Variants in NOX3 observed in about 807,000 individuals in gnomAD.
The protein encoded by NOX3 is NADPH oxidase 3.
NOX3 carries 74 observed loss-of-function variants against 76.7 expected under a neutral mutation model. The observed-to-expected ratio is 0.96, with a 90% confidence interval of 0.80 to 1.17. NOX3 has a LOEUF of 1.17. Among genes scored for constraint, NOX3 ranks in the 50% most tolerant of loss-of-function variants. The pLI is 0.00. For missense variants in NOX3, 695 were observed against 703.3 expected, an observed-to-expected ratio of 0.99 and a Z score of 0.13; for synonymous variants, 263 against 261.1, an observed-to-expected ratio of 1.01 and a Z score of -0.07.
chr6:155,429,088 A>G, intron 8 of NOX3, 41 bp from the exon 9 acceptor site: 5 of 1,458,040 alleles, frequency 3.4e-6, no homozygotes, highest in Non-Finnish European at 4.6e-6. Context: ...TGTCCTCGAA[A>G]TAATAAAGAA....
intron 12 of NOX3, among the ~76,000 whole-genome samples, chr6:155,401,818 T>C (rs1354488502): frequency 4.6e-5 from 7 of 151,254 alleles, no homozygotes; most frequent in Admixed American, 1.3e-4. Flanking sequence ...TGACCAAACT[T>C]TAAAGTTTTT....
chr6:155,415,097 T>G (rs1223602814), intron 10 of NOX3, among the ~76,000 whole-genome samples: 1 of 152,164 alleles, frequency 6.6e-6, no homozygotes, highest in African/African-American at 2.4e-5. Flanking sequence ...GCAAGGGGCT[T>G]GGGTCTGAGC....
At chr6:155,403,726 A>G (rs965131792) in intron 12 of NOX3, among the ~76,000 whole-genome samples, 1 of 152,206 alleles carries the variant, frequency 6.6e-6, no homozygotes, top group Non-Finnish European at 1.5e-5. Context: ...CTCCCTGCGA[A>G]AAAATTGGAC....
intron 12 of NOX3, 50 bp from the exon 13 acceptor site, chr6:155,397,012 C>G: frequency 6.5e-7 from 1 of 1,536,144 alleles, no homozygotes. Context: ...GAGGCAAGGC[C>G]AGCCAGAAGC....
intron 12 of NOX3, among the ~76,000 whole-genome samples, chr6:155,402,762 C>T (rs1489984731): frequency 1.3e-5 from 2 of 152,172 alleles, no homozygotes; most frequent in Non-Finnish European, 2.9e-5. Context: ...TTTGAGTGAA[C>T]AGGTAAATAT....
intron 10 of NOX3, among the ~76,000 whole-genome samples, chr6:155,412,874 A>T (rs778520818): frequency 1.3e-5 from 2 of 152,226 alleles, no homozygotes; most frequent in Admixed American, 6.5e-5. Context: ...TGTCCTCTTA[A>T]AATTTGCATC....
chr6:155,411,136 A>C, intron 11 of NOX3, 78 bp downstream of exon 11: 1 of 1,250,760 alleles, frequency 8.0e-7, no homozygotes, highest in African/African-American at 1.5e-5. Context: ...AGTGCTACAT[A>C]GCTCATTATT....
At chr6:155,420,778 T>C (rs1386637691) in intron 10 of NOX3, among the ~76,000 whole-genome samples, 3 of 152,216 alleles carry the variant, frequency 2.0e-5, no homozygotes, top group East Asian at 3.8e-4. Context: ...CCAGTTTCCT[T>C]CCTGTTAGGT....
intron 12 of NOX3, among the ~76,000 whole-genome samples, chr6:155,402,934 C>T (rs557431723): frequency 8.5e-5 from 13 of 152,264 alleles, no homozygotes; most frequent in South Asian, 6.2e-4. Context: ...TATGAGCTAA[C>T]GACAGGACAG....
chr6:155,398,165 G>A (rs1779164396), intron 12 of NOX3, among the ~76,000 whole-genome samples: 1 of 151,944 alleles, frequency 6.6e-6, no homozygotes, highest in African/African-American at 2.4e-5. Context: ...TGGATCAAAA[G>A]TTCTCAAGCT....
intron 7 of NOX3, among the ~76,000 whole-genome samples, chr6:155,434,502 T>A (rs887166355): frequency 1.3e-5 from 2 of 152,034 alleles, no homozygotes; most frequent in Non-Finnish European, 2.9e-5. Flanking sequence ...AAGGATGGGG[T>A]TGGACCGAGC....
intron 12 of NOX3, among the ~76,000 whole-genome samples, chr6:155,400,391 G>T (rs9480132): frequency 0.08 from 12,217 of 152,194 alleles, 1,261 homozygotes; most frequent in African/African-American, 0.23. Context: ...TTAAAAAAAA[G>T]CAAATTACTT....
intron 6 of NOX3, among the ~76,000 whole-genome samples, chr6:155,437,106 T>C (rs1390234737): frequency 6.6e-6 from 1 of 152,200 alleles, no homozygotes; most frequent in East Asian, 1.9e-4. Context: ...CAAGACGGTA[T>C]TGATACATTT....
intron 4 of NOX3, among the ~76,000 whole-genome samples, chr6:155,450,939 A>G (rs993376234): frequency 1.3e-5 from 2 of 152,152 alleles, no homozygotes; most frequent in Non-Finnish European, 2.9e-5. Flanking sequence ...CAAACTTCCA[A>G]CTAACTCTGA....
rs764029957 is a variant in NOX3 at position 155,426,984 on chromosome 6, C to CGTGTGTGTGTGTGTGTGTGTGTGT, written c.1145+1786_1145+1809dup. Among the ~76,000 whole-genome samples, 6 of 41,920 alleles carry CGTGTGTGTGTGTGTGTGTGTGTGT rather than the reference C, an allele frequency of 1.4e-4. 2 individuals are homozygous for CGTGTGTGTGTGTGTGTGTGTGTGT. In the East Asian group the frequency reaches 6.4e-3, roughly 45 times the overall value. The allele number at this position is 41,920 out of a possible 152,430, so 27.5% of individuals were successfully genotyped here. The stretch of plus-strand genomic sequence containing the variant: ...CCGAGAAAGCAGTTAGACACTGTGG[C>CGTGTGTGTGTGTGTGTGTGTGTGT]GTGTGTGTGTGTGTGTGTGTGTGTG... On this transcript the variant is annotated intron_variant, in intron 9 of 13. Coordinates refer to ENST00000159060, the MANE Select transcript of NOX3 (RefSeq NM_015718.3).
chr6:155,453,047 C>T (rs1381346682), intron 4 of NOX3, among the ~76,000 whole-genome samples: 1 of 152,052 alleles, frequency 6.6e-6, no homozygotes, highest in Non-Finnish European at 1.5e-5. Context: ...TTTCCTACGA[C>T]TGTGAATGAG....
intron 10 of NOX3, among the ~76,000 whole-genome samples, chr6:155,413,591 T>C (rs552103407): frequency 2.9e-4 from 44 of 152,252 alleles, no homozygotes; most frequent in Non-Finnish European, 5.1e-4. Flanking sequence ...CACTATCTGC[T>C]TTCTTTTCGC....
chr6:155,420,039 T>C (rs1776669845), intron 10 of NOX3, among the ~76,000 whole-genome samples: 2 of 152,166 alleles, frequency 1.3e-5, no homozygotes. Context: ...TATATATATA[T>C]GTATGAAGAT....
intron 4 of NOX3, among the ~76,000 whole-genome samples, chr6:155,447,616 C>T (rs1174387549): frequency 6.6e-6 from 1 of 152,248 alleles, no homozygotes; most frequent in African/African-American, 2.4e-5. Context: ...ATTTGTCACA[C>T]ACTTTAAAGT....
Sources: allele counts gnomAD v4.1 joint callset (sites outside exome capture counted in the v4.1 genomes callset), GRCh38; gene constraint gnomAD v4.1.1; transcripts MANE v1.5; gene names NCBI Gene and HGNC (gene_info 2026-07-23, HGNC 2026-07-21).